Variants in OTOP1 observed in about 807,000 individuals in gnomAD.
OTOP1 encodes the protein proton channel OTOP1.
Under a neutral mutation model 52.9 loss-of-function variants are expected in OTOP1, and 59 were observed. That is an observed-to-expected ratio of 1.12 (90% confidence interval 0.91 to 1.39). The LOEUF is 1.39. Ranked by LOEUF, OTOP1 falls within the 40% of genes most tolerant of loss-of-function variation. The pLI, the probability that OTOP1 is intolerant of heterozygous loss-of-function variation, is 0.00. For missense variants in OTOP1, 761 were observed against 800.9 expected, an observed-to-expected ratio of 0.95 and a Z score of 0.60; for synonymous variants, 317 against 337.7, an observed-to-expected ratio of 0.94 and a Z score of 0.67.
Position 4,226,556 on chromosome 4 carries a change from C to T in OTOP1, c.309G>A (p.Gln103=), listed in dbSNP as rs12645839. The T allele has an allele frequency of 6.2e-7, 1 of 1,604,476 alleles. No homozygotes were observed. The highest frequency in any genetic ancestry group is 8.5e-7 in the Non-Finnish European group (1 of 1,178,484). ...LCFLTALMLL[Q]LLWMLWYVGR... is the part of the protein sequence containing the mutation. The stretch of plus-strand genomic sequence containing the variant: ...CCACGTACCACAGCATCCACAGCAG[C>T]TGCAGCAGCATGAGCGCCGTCAGGA... The change falls in exon 1 of 6, where the codon CAG becomes CAA. Residue 103 remains glutamine (Q), a synonymous_variant. Coordinates refer to ENST00000296358, the MANE Select transcript of OTOP1 (RefSeq NM_177998.3).
At chr4:4,209,704 T>G (rs1254607681) in intron 2 of OTOP1, among the ~76,000 whole-genome samples, 1 of 152,088 alleles carries the variant, frequency 6.6e-6, no homozygotes, top group Non-Finnish European at 1.5e-5. Flanking sequence ...GTCCCCACCT[T>G]GCAAGTAAGA....
Position 4,188,907 on chromosome 4 carries a change from C to G in OTOP1, c.1735G>C (p.Gly579Arg). The change falls in exon 6 of 6, where the codon GGC becomes CGC. Residue 579 changes from glycine to arginine, a missense_variant. By Grantham distance (125) the Gly-to-Arg change is moderately radical (BLOSUM62 -2). Coordinates refer to ENST00000296358, the MANE Select transcript of OTOP1 (RefSeq NM_177998.3). The part of the protein sequence containing the change: ...YDNGLEEIVF[G>R]FEPWIIVVNL... The stretch of plus-strand genomic sequence containing the variant: ...ACCACAATTATCCAGGGTTCAAAGC[C>G]AAAGACAATCTCCTCCAATCCATTG... 6.2e-7 allele frequency: 1 copy of G among 1,613,804 alleles called. No individual in the cohort carries two copies. The highest frequency in any genetic ancestry group is 1.7e-5 in the Admixed American group (1 of 59,992).
chr4:4,195,294 G>C (rs1716597317), intron 5 of OTOP1, among the ~76,000 whole-genome samples: 1 of 152,218 alleles, frequency 6.6e-6, no homozygotes, highest in Non-Finnish European at 1.5e-5. Context: ...ACCTCTGCCT[G>C]AAATGCTTCT....
intron 1 of OTOP1, among the ~76,000 whole-genome samples, chr4:4,213,445 G>A (rs2920180): frequency 0.59 from 89,986 of 152,046 alleles, 27,465 homozygotes; most frequent in African/African-American, 0.73. Flanking sequence ...CCAACGAAGC[G>A]GAAAGACAGC....
At chr4:4,219,944 CAT>C (rs1274747587) in intron 1 of OTOP1, among the ~76,000 whole-genome samples, 22 of 139,246 alleles carry the variant, frequency 1.6e-4, no homozygotes, top group Admixed American at 5.7e-4. Context: ...CATATATACA[CAT>C]ATATACGTAT....
At chr4:4,190,494 T>A (rs1354900890) in intron 5 of OTOP1, among the ~76,000 whole-genome samples, 1 of 151,964 alleles carries the variant, frequency 6.6e-6, no homozygotes. Flanking sequence ...ATAAATAAAT[T>A]CAAAAAATAA....
At position 4,197,231 on chromosome 4, in the gene OTOP1, G is replaced by A. The variant is rs1166050854; in HGVS notation, c.1603C>T (p.Gln535Ter). 6.2e-7 allele frequency: 1 copy of A among 1,613,936 alleles called. No homozygotes were observed. Among genetic ancestry groups the A allele is most frequent in the East Asian group, 2.2e-5 (1 of 44,902 alleles). Residue 535 changes from glutamine (Q) to a stop codon, truncating the protein, a stop_gained, in exon 5 of 6, where the codon CAG becomes TAG. Coordinates refer to ENST00000296358, the MANE Select transcript of OTOP1 (RefSeq NM_177998.3). LOFTEE classifies it high-confidence loss of function. ...PSPVRLPRFL[Q>*]GNAKRKVLRN... is the part of the protein sequence containing the mutation. ...AGGACTTTTCTCTTGGCGTTGCCCTGTAAGAAACGGGGAAGGCGGACTGGG... is the reference window on the plus strand; with the variant it reads ...AGGACTTTTCTCTTGGCGTTGCCCTATAAGAAACGGGGAAGGCGGACTGGG...
intron 1 of OTOP1, among the ~76,000 whole-genome samples, chr4:4,218,844 G>A (rs1297331069): frequency 6.6e-6 from 1 of 151,896 alleles, no homozygotes; most frequent in Non-Finnish European, 1.5e-5. Flanking sequence ...CAGGAGAATC[G>A]CTTGAACCTG....
chr4:4,198,900 G>A (rs1355533227), intron 4 of OTOP1, among the ~76,000 whole-genome samples: 1 of 152,180 alleles, frequency 6.6e-6, no homozygotes, highest in East Asian at 1.9e-4. Flanking sequence ...TAATCAAAGA[G>A]TCAGGTAAGG....
At chr4:4,198,938 C>A (rs1476001392) in intron 4 of OTOP1, among the ~76,000 whole-genome samples, 3 of 152,322 alleles carry the variant, frequency 2.0e-5, no homozygotes, top group South Asian at 2.1e-4. Flanking sequence ...GCCCTGTAAT[C>A]CCAGCACTTT....
intron 5 of OTOP1, among the ~76,000 whole-genome samples, chr4:4,196,176 T>C (rs1472626442): frequency 6.6e-6 from 1 of 152,088 alleles, no homozygotes; most frequent in Admixed American, 6.6e-5. Context: ...CCCAGCACTT[T>C]GGGAGGCTGA....
intron 2 of OTOP1, among the ~76,000 whole-genome samples, chr4:4,210,110 C>A (rs61354128): frequency 6.6e-6 from 1 of 152,194 alleles, no homozygotes; most frequent in Non-Finnish European, 1.5e-5. Flanking sequence ...TAACTGACAC[C>A]CCTATGGTGT....
rs556289547 is a variant in OTOP1, at chr4:4,199,547, G to A, written c.731-1444C>T. On this transcript the variant is annotated intron_variant, in intron 4 of 5. Transcript: ENST00000296358. ...CCTACTTCAGCCTGCTGAGTAGCTGGGACCACAGGCCCGTGCCACCACGCC... is the reference window on the plus strand; with the variant it reads ...CCTACTTCAGCCTGCTGAGTAGCTGAGACCACAGGCCCGTGCCACCACGCC... Among the ~76,000 whole-genome samples, 23 of 152,032 alleles carry A rather than the reference G, an allele frequency of 1.5e-4. 1 individual carries two copies. In the Middle Eastern group the frequency reaches 0.02, roughly 135 times the overall value.
At chr4:4,202,385 C>G (rs1288847958) in intron 4 of OTOP1, 63 bp downstream of exon 4, 1 of 1,603,676 alleles carries the variant, frequency 6.2e-7, no homozygotes, top group South Asian at 1.1e-5. Flanking sequence ...ACTCTGTGGA[C>G]TCTGCAGGTT....
At chr4:4,201,291 G>A (rs1459065433) in intron 4 of OTOP1, among the ~76,000 whole-genome samples, 2 of 151,976 alleles carry the variant, frequency 1.3e-5, no homozygotes, top group African/African-American at 2.4e-5. Context: ...GCCAGGTGTG[G>A]TGGCACGCAC....
At chr4:4,203,924 C>G (rs1716842948) in intron 3 of OTOP1, among the ~76,000 whole-genome samples, 1 of 152,196 alleles carries the variant, frequency 6.6e-6, no homozygotes. Flanking sequence ...TGGCATTCAG[C>G]CGTAGTCTTG....
chr4:4,207,621 G>A (rs956071534), intron 2 of OTOP1, among the ~76,000 whole-genome samples: 6 of 149,250 alleles, frequency 4.0e-5, no homozygotes, highest in African/African-American at 1.5e-4. Flanking sequence ...ATATCCAAAA[G>A]AAGTGAAAGC....
intron 4 of OTOP1, among the ~76,000 whole-genome samples, chr4:4,199,218 A>T (rs1405104768): frequency 2.4e-5 from 1 of 42,232 alleles, no homozygotes; most frequent in Non-Finnish European, 5.2e-5. Flanking sequence ...ACTCAGGTAA[A>T]ATTGTGTGTG....
intron 1 of OTOP1, among the ~76,000 whole-genome samples, chr4:4,218,883 C>T (rs1244688008): frequency 6.6e-6 from 1 of 151,382 alleles, no homozygotes; most frequent in African/African-American, 2.4e-5. Flanking sequence ...GAGCCAAGAT[C>T]ATGCCACTGC....
Sources: gnomAD v4.1 joint callset for allele counts (sites outside exome capture counted in the v4.1 genomes callset) on GRCh38, gnomAD v4.1.1 for gene constraint, MANE v1.5 for transcripts, NCBI Gene and HGNC (gene_info 2026-07-23, HGNC 2026-07-21) for gene names.